Variants in TRIM37 observed in about 807,000 individuals in gnomAD.
TRIM37 encodes the protein tripartite motif containing 37.
In TRIM37, 80 loss-of-function variants were observed where a neutral mutation model predicts 129.8. That is an observed-to-expected ratio of 0.62 (90% CI 0.51 to 0.74). The LOEUF is 0.74. TRIM37 is among the 30% of genes least tolerant of loss of function. The pLI is 0.00. For synonymous variants in TRIM37, 389 were observed against 387.1 expected (o/e 1.00, Z -0.06); for missense variants, 1,054 against 1,176.5 (o/e 0.90, Z 1.52).
intron 1 of TRIM37, 115 bp downstream of exon 1, chr17:59,106,326 G>T: frequency 8.0e-7 from 1 of 1,248,030 alleles, no homozygotes; most frequent in Non-Finnish European, 1.2e-6. Context: ...CTCCACAGCG[G>T]CAGGGGCGGG....
intron 22 of TRIM37, among the ~76,000 whole-genome samples, chr17:59,003,137 A>G (rs149274555): frequency 9.1e-4 from 138 of 152,308 alleles, no homozygotes; most frequent in African/African-American, 3.2e-3. Context: ...TTGGCCTCCT[A>G]AAGTGGTGGC....
Position 59,043,460 on chromosome 17 carries a change from A to C in TRIM37, c.1668-1562T>G, listed in dbSNP as rs183542643. 4.6e-5 allele frequency among the ~76,000 whole-genome samples: 7 copies of C among 152,328 alleles called. No individual in the cohort carries two copies. The East Asian group carries it at 1.3e-3, about 29-fold the overall frequency. ...TCACTCCACTTCCTAACTTGGTGTTACAGAAATTCCACTCCAGACTGGTGC... is the reference window on the plus strand; with the variant it reads ...TCACTCCACTTCCTAACTTGGTGTTCCAGAAATTCCACTCCAGACTGGTGC... On this transcript the variant is annotated intron_variant, in intron 16 of 23. Transcript: ENST00000262294.
chr17:59,092,622 TA>T (rs899642188), intron 2 of TRIM37, among the ~76,000 whole-genome samples: 24 of 152,058 alleles, frequency 1.6e-4, no homozygotes, highest in Admixed American at 1.0e-3. Flanking sequence ...AGGTTTATAA[TA>T]AAAAAAACTT....
intron 24 of TRIM37, among the ~76,000 whole-genome samples, chr17:58,992,102 A>G (rs1357115887): frequency 6.6e-6 from 1 of 151,842 alleles, no homozygotes; most frequent in Non-Finnish European, 1.5e-5. Context: ...CAGAACTCAG[A>G]AATGCACTTA....
intron 10 of TRIM37, 55 bp downstream of exon 10, chr17:59,064,300 C>T: frequency 1.5e-6 from 2 of 1,348,228 alleles, no homozygotes. Context: ...GAATACCTTT[C>T]TGGCTCTTCC....
intron 9 of TRIM37, among the ~76,000 whole-genome samples, chr17:59,065,528 C>T (rs926545328): frequency 1.3e-5 from 2 of 152,224 alleles, no homozygotes; most frequent in Admixed American, 6.5e-5. Flanking sequence ...CTAAAAGTCA[C>T]TTTGCTGCTA....
intron 18 of TRIM37, among the ~76,000 whole-genome samples, chr17:59,029,866 C>A (rs965300120): frequency 6.6e-6 from 1 of 152,198 alleles, no homozygotes; most frequent in African/African-American, 2.4e-5. Context: ...TATTTCTGCA[C>A]ACTAGCTTTT....
At position 59,096,136 on chromosome 17, in the gene TRIM37, T is replaced by G. The variant is rs541160727; in HGVS notation, c.124-4796A>C. The stretch of plus-strand genomic sequence containing the variant: ...CCTTTTGTTCATTTCCAAAAACCTG[T>G]AAGAATGAGTAATTATCATAAAGAT... On this transcript the variant is annotated intron_variant, in intron 2 of 23. Transcript: ENST00000262294. 2.0e-5 allele frequency among the ~76,000 whole-genome samples: 3 copies of G among 152,192 alleles called. No homozygotes were observed. In the South Asian group the frequency reaches 6.2e-4, roughly 32 times the overall value.
Position 59,103,373 on chromosome 17 carries a change from G to T in TRIM37, c.123+920C>A, listed in dbSNP as rs149831903. On this transcript the variant is annotated intron_variant, in intron 2 of 23. Transcript: ENST00000262294. Reference sequence around the variant, plus strand: ...TTTTGTTTTTTTGAGACAGAGTCTCGCTCTGTCACCCAGGCTGGAGTGCAC... The same window carrying T: ...TTTTGTTTTTTTGAGACAGAGTCTCTCTCTGTCACCCAGGCTGGAGTGCAC... Among the ~76,000 whole-genome samples the T allele has an allele frequency of 4.7e-3, 708 of 151,626 alleles. 7 individuals are homozygous for T. Among genetic ancestry groups the T allele is most frequent in the Middle Eastern group, 0.014 (4 of 292 alleles).
At chr17:59,068,452 T>C (rs923198487) in intron 9 of TRIM37, among the ~76,000 whole-genome samples, 29 of 152,244 alleles carry the variant, frequency 1.9e-4, no homozygotes, top group African/African-American at 6.5e-4. Flanking sequence ...TTTTTATATA[T>C]GACCCTTAGG....
intron 3 of TRIM37, among the ~76,000 whole-genome samples, chr17:59,088,851 T>C (rs1051991330): frequency 2.0e-5 from 3 of 151,900 alleles, no homozygotes; most frequent in Non-Finnish European, 2.9e-5. Context: ...AAAAAGACAA[T>C]GAAAAATATT....
chr17:59,021,525 G>A (rs1205783649), intron 19 of TRIM37, among the ~76,000 whole-genome samples: 1 of 152,166 alleles, frequency 6.6e-6, no homozygotes, highest in Non-Finnish European at 1.5e-5. Flanking sequence ...AATACATCAG[G>A]CACAGAAAGA....
At chr17:59,078,531 A>C (rs2043007779) in intron 7 of TRIM37, among the ~76,000 whole-genome samples, 1 of 152,206 alleles carries the variant, frequency 6.6e-6, no homozygotes, top group African/African-American at 2.4e-5. Context: ...GCTACGACTG[A>C]AGATCACATC....
intron 21 of TRIM37, 23 bp from the exon 22 acceptor site, chr17:59,012,469 T>C (rs373638993): frequency 3.5e-6 from 5 of 1,441,768 alleles, no homozygotes; most frequent in Non-Finnish European, 4.8e-6. Context: ...AACAACTTGA[T>C]ATTTCTCTAT....
chr17:59,076,227 T>C (rs1339519812), intron 7 of TRIM37, among the ~76,000 whole-genome samples: 1 of 151,830 alleles, frequency 6.6e-6, no homozygotes, highest in Non-Finnish European at 1.5e-5. Context: ...TCTCAAAAAG[T>C]TGGAGACAGA....
At position 59,015,546 on chromosome 17, in the gene TRIM37, C is replaced by G. The variant is rs1167649261; in HGVS notation, c.2576+64G>C. The G allele has an allele frequency of 3.9e-6, 6 of 1,530,264 alleles. No homozygotes were observed. The Admixed American group carries it at 6.7e-5, about 17-fold the overall frequency. 94.8% of individuals were successfully genotyped at this position (1,530,264 alleles called of 1,614,324 possible). A position where few individuals can be genotyped will look rare whatever the true frequency, so the allele number is the denominator to read the frequency against. On this transcript the variant is annotated intron_variant, in intron 21 of 23. Transcript: ENST00000262294. Reference sequence around the variant, plus strand: ...ATTAATTTGTTCATCATGATGCATACTTAAAGTTCCAAACAAAGCTATTAG... The same window carrying G: ...ATTAATTTGTTCATCATGATGCATAGTTAAAGTTCCAAACAAAGCTATTAG...
intron 21 of TRIM37, among the ~76,000 whole-genome samples, chr17:59,014,022 T>G (rs1199344355): frequency 6.6e-6 from 1 of 152,058 alleles, no homozygotes; most frequent in Non-Finnish European, 1.5e-5. Context: ...TATTTAATTG[T>G]GGTGACTAAA....
At chr17:59,080,922 A>G (rs749614877) in intron 6 of TRIM37, among the ~76,000 whole-genome samples, 175 bp downstream of exon 6, 4 of 152,164 alleles carry the variant, frequency 2.6e-5, no homozygotes, top group African/African-American at 7.2e-5. Context: ...GGGGCTTTGT[A>G]TGCAAATTTC....
chr17:58,974,081 T>C, the TRIM37 span, among the ~76,000 whole-genome samples: 2 of 151,914 alleles, frequency 1.3e-5, no homozygotes, highest in South Asian at 2.1e-4. Flanking sequence ...TGAGCCAAGA[T>C]TGTGCCACTG....
Sources: allele counts gnomAD v4.1 joint callset (sites outside exome capture counted in the v4.1 genomes callset), GRCh38; gene constraint gnomAD v4.1.1; transcripts MANE v1.5; gene names NCBI Gene and HGNC (gene_info 2026-07-23, HGNC 2026-07-21).